LDLRAD4: variants seen among roughly 807,000 people sequenced by gnomAD.
LDLRAD4 encodes the protein low density lipoprotein receptor class A domain containing 4, also known as low-density lipoprotein receptor class A domain-containing protein 4.
A neutral mutation model predicts 17.0 loss-of-function variants in LDLRAD4; 5 were observed. The observed-to-expected ratio is 0.29, with a 90% CI of 0.15 to 0.62. LDLRAD4 has a LOEUF of 0.62. Among genes scored for constraint, LDLRAD4 ranks in the 20% least tolerant of loss-of-function variants. The probability of loss-of-function intolerance (pLI) is 0.84; values close to 1 mark genes in which losing one functional copy is unlikely to be tolerated. For synonymous variants in LDLRAD4, 168 were observed against 171.8 expected, an observed-to-expected ratio of 0.98 and a Z score of 0.17; for missense variants, 340 against 424.7, an observed-to-expected ratio of 0.80 and a Z score of 1.75.
intron 3 of LDLRAD4, among the ~76,000 whole-genome samples, chr18:13,551,157 C>T (rs1427930858): frequency 6.6e-6 from 1 of 152,198 alleles, no homozygotes; most frequent in Admixed American, 6.5e-5. Context: ...CCTCCAACGG[C>T]CACGAGCAAA....
chr18:13,237,572 C>T (rs928045104), intron 1 of LDLRAD4, among the ~76,000 whole-genome samples: 9 of 152,128 alleles, frequency 5.9e-5, no homozygotes, highest in African/African-American at 1.9e-4. Flanking sequence ...GCAGTTAGTT[C>T]GAAGACATTC....
At position 13,621,476 on chromosome 18, in the gene LDLRAD4, C is replaced by G. The variant is rs901763169; in HGVS notation, c.336+205C>G. On this transcript the variant is annotated intron_variant, in intron 4 of 5. Transcript: ENST00000359446. This position sits in a 1 kb window ranked among gnomAD's most constrained non-coding sequence, Gnocchi z 5.5. ...CCAGTGAACATACAGACACAGCAGT[C>G]CCCCCAGAAGCCTGCGTGACCCCTC... Among the ~76,000 whole-genome samples, 1 of 152,228 alleles carries G rather than the reference C, an allele frequency of 6.6e-6. No homozygotes were observed. The highest frequency in any genetic ancestry group is 1.5e-5 in the Non-Finnish European group (1 of 68,038).
chr18:13,431,500 A>T (rs1475206410), intron 2 of LDLRAD4, among the ~76,000 whole-genome samples: 1 of 152,174 alleles, frequency 6.6e-6, no homozygotes, highest in Admixed American at 6.5e-5. Context: ...AAGTTGGGTG[A>T]TTTGTTCAAG....
chr18:13,228,353 G>C (rs2041912531), intron 1 of LDLRAD4, among the ~76,000 whole-genome samples: 1 of 152,176 alleles, frequency 6.6e-6, no homozygotes, highest in Admixed American at 6.5e-5. Flanking sequence ...TGATGTCACT[G>C]TGAGGGTGCT....
intron 3 of LDLRAD4, among the ~76,000 whole-genome samples, chr18:13,602,508 T>A (rs1194393423): frequency 6.8e-6 from 1 of 148,100 alleles, no homozygotes; most frequent in Non-Finnish European, 1.5e-5. Context: ...TTTTTTTTTT[T>A]TTTTTTTTGA....
chr18:13,525,543 G>A (rs1455749685), intron 3 of LDLRAD4, among the ~76,000 whole-genome samples: 2 of 152,260 alleles, frequency 1.3e-5, no homozygotes, highest in African/African-American at 2.4e-5. Flanking sequence ...ACTGGAAGTT[G>A]ATGGGCGTGC....
chr18:13,422,356 T>C lies in LDLRAD4; in HGVS notation c.41-15888T>C, dbSNP rs73956148. On this transcript the variant is annotated intron_variant, in intron 2 of 5. Coordinates refer to ENST00000359446, the Ensembl canonical transcript of LDLRAD4. ...TCTAGCCTAAATAAGGCTTAGTCAT[T>C]GCCACTTGCAAATAAAGAGAGATAT... 8.4e-3 allele frequency among the ~76,000 whole-genome samples: 1,284 copies of C among 152,316 alleles called. 25 individuals carry two copies. Among genetic ancestry groups the C allele is most frequent in the African/African-American group, 0.029 (1,224 of 41,566 alleles).
At chr18:13,471,338 G>C (rs2092767744) in intron 3 of LDLRAD4, 1 of 152,240 alleles carries the variant, frequency 6.6e-6, no homozygotes, top group South Asian at 2.1e-4. Context: ...TGCTGTGTCG[G>C]GACACTGAGC....
chr18:13,639,936 G>A (rs1465428368), intron 4 of LDLRAD4, among the ~76,000 whole-genome samples: 1 of 152,148 alleles, frequency 6.6e-6, no homozygotes, highest in African/African-American at 2.4e-5. Context: ...GCCACATTAT[G>A]GTTACAACTG....
At chr18:13,508,106 G>A (rs1196229722) in intron 3 of LDLRAD4, among the ~76,000 whole-genome samples, 4 of 152,176 alleles carry the variant, frequency 2.6e-5, no homozygotes, top group Non-Finnish European at 5.9e-5. Context: ...CTGGATAGAA[G>A]GTCAAACCAG....
At chr18:13,319,206 T>C (rs145108430) in intron 1 of LDLRAD4, among the ~76,000 whole-genome samples, 3 of 152,340 alleles carry the variant, frequency 2.0e-5, no homozygotes, top group East Asian at 3.9e-4. Context: ...ATGTGGACTT[T>C]ATGGTGCAGA....
At chr18:13,563,093 T>C (rs1284434) in intron 3 of LDLRAD4, 73,181 of 152,154 alleles carry the variant, frequency 0.48, 19,952 homozygotes, top group South Asian at 0.73. Flanking sequence ...ACCTGATGGT[T>C]TACCAAAGAT....
chr18:13,455,275 A>T (rs1320710425), intron 3 of LDLRAD4, among the ~76,000 whole-genome samples: 2 of 152,228 alleles, frequency 1.3e-5, no homozygotes, highest in Non-Finnish European at 2.9e-5. Flanking sequence ...CCTGAAAAAA[A>T]TTCTGCTTCC....
At position 13,506,537 on chromosome 18, in the gene LDLRAD4, G is replaced by T. The variant is rs192864497; in HGVS notation, c.181+68153G>T. 9.2e-5 allele frequency among the ~76,000 whole-genome samples: 14 copies of T among 152,036 alleles called. No individual in the cohort carries two copies. The East Asian group carries it at 1.9e-3, about 21-fold the overall frequency. Reference sequence around the variant, plus strand: ...ACATACATTTACCCCTGGGTGACAGGGACCAACACAGCTACATACTTTGCA... The same window carrying T: ...ACATACATTTACCCCTGGGTGACAGTGACCAACACAGCTACATACTTTGCA... On this transcript the variant is annotated intron_variant, in intron 3 of 5. Transcript: ENST00000359446.
intron 3 of LDLRAD4, among the ~76,000 whole-genome samples, chr18:13,455,170 G>T (rs2092060913): frequency 6.6e-6 from 1 of 152,184 alleles, no homozygotes; most frequent in South Asian, 2.1e-4. Context: ...TGTTCCTCAG[G>T]CTGGGCTGGC....
At chr18:13,348,623 G>T (rs1207933545) in intron 1 of LDLRAD4, among the ~76,000 whole-genome samples, 1 of 152,174 alleles carries the variant, frequency 6.6e-6, no homozygotes, top group Non-Finnish European at 1.5e-5. Context: ...ATTTAAGTCT[G>T]TAGAGGTTTC....
intron 3 of LDLRAD4, among the ~76,000 whole-genome samples, chr18:13,493,920 C>A (rs751046147): frequency 7.5e-4 from 114 of 152,350 alleles, no homozygotes; most frequent in Non-Finnish European, 1.4e-3. Context: ...CCCAGGGGGT[C>A]CCCGCTTCTG....
At chr18:13,365,667 C>T (rs1254546102) in intron 1 of LDLRAD4, among the ~76,000 whole-genome samples, 2 of 152,180 alleles carry the variant, frequency 1.3e-5, no homozygotes, top group East Asian at 1.9e-4. Flanking sequence ...AAAGCCCATT[C>T]GAAGGATGTG....
chr18:13,416,647 A>G (rs925294693), intron 2 of LDLRAD4, among the ~76,000 whole-genome samples: 6 of 152,204 alleles, frequency 3.9e-5, no homozygotes, highest in African/African-American at 1.2e-4. Flanking sequence ...GTCTAGTAAT[A>G]TAGGAATTCA....
Sources: allele counts gnomAD v4.1 joint callset (sites outside exome capture counted in the v4.1 genomes callset), GRCh38; gene constraint gnomAD v4.1.1; non-coding constraint Gnocchi (gnomAD v3.1); transcripts MANE v1.5; gene names NCBI Gene and HGNC (gene_info 2026-07-23, HGNC 2026-07-21).